CYB5A: variants seen among roughly 807,000 people sequenced by gnomAD.
CYB5A encodes the protein cytochrome b5 type A.
Under a neutral mutation model 16.2 loss-of-function variants are expected in CYB5A, and 10 were observed. That is an observed-to-expected ratio of 0.62 (90% confidence interval 0.38 to 1.04). The LOEUF (loss-of-function observed/expected upper bound fraction) is 1.04, where lower values mean the gene tolerates loss of function less well. Ranked by LOEUF, CYB5A falls within the 50% of genes least tolerant of loss-of-function variation. The pLI is 0.01. For missense variants in CYB5A, 161 were observed against 165.9 expected (o/e 0.97, Z 0.16); for synonymous variants, 62 against 57.0 (o/e 1.09, Z -0.40).
chr18:74,266,979 G>A (rs1034393092), intron 1 of CYB5A, among the ~76,000 whole-genome samples: 2 of 152,016 alleles, frequency 1.3e-5, no homozygotes, highest in Non-Finnish European at 2.9e-5. Context: ...ATCTTGATAA[G>A]ACAGTAAAAG....
chr18:74,254,109 G>A (rs1467192832), intron 4 of CYB5A, among the ~76,000 whole-genome samples: 1 of 152,188 alleles, frequency 6.6e-6, no homozygotes, highest in Non-Finnish European at 1.5e-5. Flanking sequence ...GAACCTGGGA[G>A]GCAGAGGTTG....
intron 1 of CYB5A, among the ~76,000 whole-genome samples, chr18:74,274,250 A>G (rs1230046269): frequency 6.6e-6 from 1 of 152,228 alleles, no homozygotes; most frequent in East Asian, 1.9e-4. Context: ...CAAAAATGAG[A>G]AAATATACAC....
At chr18:74,255,998 C>A in intron 3 of CYB5A, 1 of 526,040 alleles carries the variant, frequency 1.9e-6, no homozygotes, top group Non-Finnish European at 3.4e-6. Context: ...GACATAACCT[C>A]AATAATTTAA....
At chr18:74,254,013 C>CA (rs1188324823) in intron 4 of CYB5A, among the ~76,000 whole-genome samples, 3 of 152,020 alleles carry the variant, frequency 2.0e-5, no homozygotes, top group Non-Finnish European at 4.4e-5. Context: ...AACCTTCTAC[C>CA]AAAAAATACA....
intron 1 of CYB5A, among the ~76,000 whole-genome samples, chr18:74,282,236 T>A (rs1278864792): frequency 6.6e-6 from 1 of 152,170 alleles, no homozygotes; most frequent in Non-Finnish European, 1.5e-5. Context: ...GAGATCACAC[T>A]AGCATGTGCC....
chr18:74,275,496 G>A (rs1250584348), intron 1 of CYB5A, among the ~76,000 whole-genome samples: 1 of 152,156 alleles, frequency 6.6e-6, no homozygotes, highest in African/African-American at 2.4e-5. Flanking sequence ...CAGCTCTGGT[G>A]GCAAAGATCA....
At chr18:74,271,809 C>T (rs1982679459) in intron 1 of CYB5A, among the ~76,000 whole-genome samples, 1 of 152,150 alleles carries the variant, frequency 6.6e-6, no homozygotes, top group Non-Finnish European at 1.5e-5. Flanking sequence ...ACTACTCTGG[C>T]ATAATACGCT....
chr18:74,255,803 A>G (rs1366836901), intron 3 of CYB5A, 28 bp from the exon 4 acceptor site: 3 of 1,570,408 alleles, frequency 1.9e-6, no homozygotes, highest in Middle Eastern at 1.7e-4. Flanking sequence ...AAAGTAAAGT[A>G]AGTTCAAGGG....
In CYB5A at chr18:74,268,698, G is replaced by A. The variant is rs1430485462; in HGVS notation, c.130-5221C>T. Among the ~76,000 whole-genome samples the A allele has an allele frequency of 2.6e-5, 4 of 152,178 alleles. No homozygotes were observed. The South Asian group carries it at 6.2e-4, about 24-fold the overall frequency. ...AGGCAGAGTGGACGAGAGGGCTTCC[G>A]GACGGTAAGGATGGTGGGAGAGACA... is the stretch of plus-strand genomic sequence containing the variant. On this transcript the variant is annotated intron_variant, in intron 1 of 4. Coordinates refer to ENST00000340533, the MANE Select transcript of CYB5A (RefSeq NM_148923.4).
At chr18:74,259,960 T>C (rs574475128) in intron 3 of CYB5A, 1 of 152,296 alleles carries the variant, frequency 6.6e-6, no homozygotes, top group South Asian at 2.1e-4. Context: ...AAAAATTGCT[T>C]TGTACTAAAT....
intron 1 of CYB5A, among the ~76,000 whole-genome samples, chr18:74,284,784 G>C (rs562171480): frequency 2.0e-5 from 3 of 152,274 alleles, no homozygotes; most frequent in African/African-American, 7.2e-5. Context: ...CCCAGCGTCA[G>C]TGCTGGTTCA....
intron 3 of CYB5A, chr18:74,260,491 C>A: frequency 3.5e-6 from 1 of 283,108 alleles, no homozygotes; most frequent in Non-Finnish European, 6.9e-6. Context: ...TATTGAACAC[C>A]TACTATGCCC....
intron 1 of CYB5A, among the ~76,000 whole-genome samples, chr18:74,263,825 T>C (rs1982316253): frequency 6.6e-6 from 1 of 152,070 alleles, no homozygotes; most frequent in African/African-American, 2.4e-5. Flanking sequence ...GGTGGGAGGA[T>C]GGCACAAGCT....
intron 4 of CYB5A, among the ~76,000 whole-genome samples, chr18:74,254,784 T>C (rs937958295): frequency 6.6e-6 from 1 of 152,140 alleles, no homozygotes; most frequent in African/African-American, 2.4e-5. Context: ...CCTCCCAAAG[T>C]GCTGGGATTA....
intron 1 of CYB5A, among the ~76,000 whole-genome samples, chr18:74,266,679 G>A (rs1982446900): frequency 6.6e-6 from 1 of 151,770 alleles, no homozygotes; most frequent in Non-Finnish European, 1.5e-5. Context: ...ACAAGGGATA[G>A]GTATGTATGA....
At position 74,263,418 on chromosome 18, in the gene CYB5A, A is replaced by C. The variant is rs1205341497; in HGVS notation, c.189T>G (p.Phe63Leu). 1 of 1,614,124 alleles carries C rather than the reference A, an allele frequency of 6.2e-7. No homozygotes were observed. The highest frequency in any genetic ancestry group is 1.1e-5 in the South Asian group (1 of 91,082). ...CATCTGTAGAGTGCCCGACATCCTC[A>C]AAGTTCTCAGTAGCGTCACCTCCAG... ...EQAGGDATENFEDVGHSTDAR... is the reference protein window; with the variant it reads ...EQAGGDATENLEDVGHSTDAR... Residue 63 changes from phenylalanine (F) to leucine (L), a missense_variant, in exon 2 of 5, where the codon TTT (phenylalanine) becomes TTG (leucine). By Grantham distance (22) the Phe-to-Leu change is conservative (BLOSUM62 0). Transcript: ENST00000340533.
chr18:74,256,518 G>A (rs1388241163), intron 3 of CYB5A: 8 of 385,076 alleles, frequency 2.1e-5, no homozygotes, highest in African/African-American at 4.9e-5. Flanking sequence ...CTGGAAAAAC[G>A]CATACTTCTC....
intron 1 of CYB5A, 54 bp downstream of exon 1, chr18:74,291,692 AC>A (rs1983550040): frequency 1.6e-5 from 25 of 1,611,426 alleles, no homozygotes; most frequent in Non-Finnish European, 2.0e-5. Flanking sequence ...ATGCCAGTGA[AC>A]CCCCAAACCC....
At chr18:74,278,769 AAAAAGAG>A (rs1462602834) in intron 1 of CYB5A, among the ~76,000 whole-genome samples, 1 of 152,246 alleles carries the variant, frequency 6.6e-6, no homozygotes, top group Non-Finnish European at 1.5e-5. Flanking sequence ...CCTCTTCTTG[AAAAAGAG>A]AAACAAAATT....
Sources: allele counts gnomAD v4.1 joint callset (sites outside exome capture counted in the v4.1 genomes callset), GRCh38; gene constraint gnomAD v4.1.1; transcripts MANE v1.5; gene names NCBI Gene and HGNC (gene_info 2026-07-23, HGNC 2026-07-21).